The following LIN52 variants were observed in gnomAD, a reference collection of about 807,000 sequenced individuals.
The protein encoded by LIN52 is lin-52 DREAM MuvB core complex component.
In LIN52, 4 loss-of-function variants were observed where a neutral mutation model predicts 18.5. The observed-to-expected ratio is 0.22, with a 90% CI of 0.11 to 0.49. The LOEUF is 0.49. Among genes scored for constraint, LIN52 ranks in the 20% least tolerant of loss-of-function variants. LIN52 has a pLI of 0.97. For synonymous variants in LIN52, 34 were observed against 45.5 expected (o/e 0.75, Z 1.02); for missense variants, 102 against 139.5 (o/e 0.73, Z 1.35).
At chr14:74,173,998 C>T (rs114596436) in intron 5 of LIN52, among the ~76,000 whole-genome samples, 2,028 of 152,262 alleles carry the variant, frequency 0.013, 45 homozygotes, top group African/African-American at 0.045. Context: ...GTTCTGTTGC[C>T]ATAGATCTCC....
At chr14:74,106,262 T>G (rs1338521732) in intron 5 of LIN52, among the ~76,000 whole-genome samples, 1 of 152,160 alleles carries the variant, frequency 6.6e-6, no homozygotes, top group African/African-American at 2.4e-5. Flanking sequence ...ATCTTGTTAC[T>G]GCTGCCGCAT....
At chr14:74,140,642 G>A (rs2061124881) in intron 5 of LIN52, among the ~76,000 whole-genome samples, 1 of 152,182 alleles carries the variant, frequency 6.6e-6, no homozygotes, top group Non-Finnish European at 1.5e-5. Context: ...GGAAATCTGG[G>A]CCAGAGGTCC....
chr14:74,179,517 T>G (rs1403830865), intron 5 of LIN52, among the ~76,000 whole-genome samples: 1 of 151,918 alleles, frequency 6.6e-6, no homozygotes, highest in Non-Finnish European at 1.5e-5. Flanking sequence ...AAATTAGCTG[T>G]GCGTGGTGGC....
intron 5 of LIN52, among the ~76,000 whole-genome samples, chr14:74,147,925 G>C (rs543905158): frequency 6.6e-6 from 1 of 152,256 alleles, no homozygotes; most frequent in South Asian, 2.1e-4. Flanking sequence ...ACACTAAACT[G>C]TACACTTAAA....
intron 5 of LIN52, among the ~76,000 whole-genome samples, chr14:74,146,664 A>G (rs1311905944): frequency 6.6e-6 from 1 of 152,204 alleles, no homozygotes; most frequent in Non-Finnish European, 1.5e-5. Flanking sequence ...AAAAATCAAC[A>G]CTGACAAGTT....
chr14:74,108,610 A>G (rs538981606), intron 5 of LIN52, among the ~76,000 whole-genome samples: 9 of 152,054 alleles, frequency 5.9e-5, no homozygotes, highest in African/African-American at 2.2e-4. Context: ...GTAGTGTCTC[A>G]TTGTGGTTTG....
At chr14:74,137,170 ATAT>A (rs1051008579) in intron 5 of LIN52, among the ~76,000 whole-genome samples, 30 of 106,676 alleles carry the variant, frequency 2.8e-4, no homozygotes, top group African/African-American at 9.6e-4. Context: ...ATATATATAT[ATAT>A]TTTTTTAATC....
chr14:74,172,999 AAAAG>A (rs2061278055), intron 5 of LIN52, among the ~76,000 whole-genome samples: 1 of 152,254 alleles, frequency 6.6e-6, no homozygotes, highest in African/African-American at 2.4e-5. Context: ...ACCAATTAAA[AAAAG>A]AAACTATCAA....
At chr14:74,126,354 G>A (rs936483062) in intron 5 of LIN52, among the ~76,000 whole-genome samples, 9 of 152,156 alleles carry the variant, frequency 5.9e-5, no homozygotes, top group Non-Finnish European at 8.8e-5. Flanking sequence ...AGGTAGAATT[G>A]CCATATGCCC....
chr14:74,134,863 G>T (rs2061088859), intron 5 of LIN52, among the ~76,000 whole-genome samples: 1 of 152,132 alleles, frequency 6.6e-6, no homozygotes, highest in Non-Finnish European at 1.5e-5. Context: ...TCTTTAAAAG[G>T]CTCTTTAGGA....
chr14:74,090,799 T>G (rs2060768233), intron 1 of LIN52, among the ~76,000 whole-genome samples: 1 of 152,174 alleles, frequency 6.6e-6, no homozygotes, highest in African/African-American at 2.4e-5. Flanking sequence ...GACACTGAGA[T>G]GAGGCTAGAG....
chr14:74,097,249 A>T (rs1203834595), intron 3 of LIN52, among the ~76,000 whole-genome samples: 2 of 152,108 alleles, frequency 1.3e-5, no homozygotes, highest in Non-Finnish European at 2.9e-5. Flanking sequence ...TAGTGGTCAT[A>T]CCTATTCTTC....
chr14:74,103,896 C>CT (rs754478392), intron 5 of LIN52, among the ~76,000 whole-genome samples: 4,104 of 138,898 alleles, frequency 0.03, 186 homozygotes, highest in African/African-American at 0.098. Flanking sequence ...CTTTTTCTTT[C>CT]TTTTTTTTTT....
At chr14:74,189,153 AGTT>A (rs1054765008) in intron 5 of LIN52, among the ~76,000 whole-genome samples, 3 of 152,170 alleles carry the variant, frequency 2.0e-5, no homozygotes, top group Non-Finnish European at 4.4e-5. Flanking sequence ...CACTTTGACT[AGTT>A]GTTGTTCTTC....
At position 74,178,085 on chromosome 14, in the gene LIN52, T is replaced by C. The variant is rs146983144; in HGVS notation, c.284-20837T>C. The stretch of plus-strand genomic sequence containing the variant: ...GTGAGCCACTGCACCCGGCCTGTTG[T>C]TGTTTTTAAATCTCAGTCATAGATT... On this transcript the variant is annotated intron_variant, in intron 5 of 5. Transcript: ENST00000555028. Among the ~76,000 whole-genome samples the C allele has an allele frequency of 3.9e-4, 59 of 152,302 alleles. 2 individuals are homozygous for C. Among genetic ancestry groups the C allele is most frequent in the Admixed American group, 3.7e-3 (56 of 15,280 alleles).
At chr14:74,140,223 C>T (rs1036012211) in intron 5 of LIN52, among the ~76,000 whole-genome samples, 1 of 152,184 alleles carries the variant, frequency 6.6e-6, no homozygotes, top group African/African-American at 2.4e-5. Flanking sequence ...CGACTCCTTA[C>T]CTTCTTGTAG....
At chr14:74,103,328 C>T (rs1160167050) in intron 5 of LIN52, among the ~76,000 whole-genome samples, 1 of 152,088 alleles carries the variant, frequency 6.6e-6, no homozygotes, top group Non-Finnish European at 1.5e-5. Flanking sequence ...ATATGCTCAC[C>T]TTGGCCTCCC....
rs35455851 is a variant in LIN52, at chr14:74,095,149, G to GTTTTTTT, written c.95-785_95-779dup. ...TGTGCATTACCATGCCCAACTAACTGTTTTTTTTTTTTTTTTTTTTGAGAC... is the reference window on the plus strand; with the variant it reads ...TGTGCATTACCATGCCCAACTAACTGTTTTTTTTTTTTTTTTTTTTTTTTTTTGAGAC... On this transcript the variant is annotated intron_variant, in intron 2 of 5. Coordinates refer to ENST00000555028, the MANE Select transcript of LIN52 (RefSeq NM_001024674.3). Among the ~76,000 whole-genome samples, 231 of 103,682 alleles carry GTTTTTTT rather than the reference G, an allele frequency of 2.2e-3. 6 individuals are homozygous for GTTTTTTT. Among genetic ancestry groups the GTTTTTTT allele is most frequent in the South Asian group, 4.9e-3 (13 of 2,628 alleles). 68.0% of individuals were successfully genotyped at this position (103,682 alleles called of 152,430 possible).
chr14:74,140,654 A>G (rs906125974), intron 5 of LIN52, among the ~76,000 whole-genome samples: 1 of 152,250 alleles, frequency 6.6e-6, no homozygotes, highest in Non-Finnish European at 1.5e-5. Flanking sequence ...CAGAGGTCCC[A>G]GTGGGGCGGT....
Sources: allele counts gnomAD v4.1 joint callset (sites outside exome capture counted in the v4.1 genomes callset), GRCh38; gene constraint gnomAD v4.1.1; transcripts MANE v1.5; gene names NCBI Gene and HGNC (gene_info 2026-07-23, HGNC 2026-07-21).